INPP4B: variants seen among roughly 807,000 people sequenced by gnomAD.
The protein encoded by INPP4B is inositol polyphosphate-4-phosphatase type II B.
INPP4B carries 55 observed loss-of-function variants against 122.5 expected under a neutral mutation model. The ratio of observed to expected loss-of-function variants is 0.45; its 90% CI spans 0.36 to 0.56. The LOEUF is 0.56. Ranked by LOEUF, INPP4B falls within the 20% of genes least tolerant of loss-of-function variation. The pLI, the probability that INPP4B is intolerant of heterozygous loss-of-function variation, is 0.00. For synonymous variants in INPP4B, 403 were observed against 388.7 expected (o/e 1.04, Z -0.43); for missense variants, 1,000 against 1,097.7 (o/e 0.91, Z 1.26).
At chr4:142,250,981 T>C (rs1731710634) in intron 11 of INPP4B, among the ~76,000 whole-genome samples, 1 of 152,192 alleles carries the variant, frequency 6.6e-6, no homozygotes, top group Non-Finnish European at 1.5e-5. Context: ...ACAATTTATA[T>C]GTAACAAACA....
At chr4:142,170,423 C>T (rs996214614) in intron 16 of INPP4B, among the ~76,000 whole-genome samples, 5 of 151,510 alleles carry the variant, frequency 3.3e-5, no homozygotes, top group African/African-American at 4.8e-5. Context: ...CATTTGTTTC[C>T]GTAGTCCTAT....
chr4:142,259,448 T>G (rs1738488264), intron 11 of INPP4B, among the ~76,000 whole-genome samples: 1 of 151,424 alleles, frequency 6.6e-6, no homozygotes, highest in African/African-American at 2.4e-5. Context: ...CGTGGGTAAG[T>G]GTTGAATTTC....
intron 7 of INPP4B, among the ~76,000 whole-genome samples, chr4:142,325,589 C>A (rs568771115): frequency 2.6e-5 from 4 of 152,194 alleles, no homozygotes; most frequent in Non-Finnish European, 1.5e-5. Context: ...GGCTTCCATG[C>A]CAAAAAGAAA....
At chr4:142,074,288 C>T (rs1179768369) in intron 25 of INPP4B, among the ~76,000 whole-genome samples, 2 of 152,040 alleles carry the variant, frequency 1.3e-5, no homozygotes, top group African/African-American at 4.8e-5. Context: ...GAGTGAGAAT[C>T]TGGATGGCCA....
In INPP4B at chr4:142,466,607, T is replaced by G. The variant is rs76960879; in HGVS notation, c.-190-3881A>C. On this transcript the variant is annotated intron_variant, in intron 2 of 25. Transcript: ENST00000262992. ...GGAAGAAAAAGCATTTTTGAGAAAA[T>G]GTATTGAAGCAGGCTGCAGAGCAAC... is the stretch of plus-strand genomic sequence containing the variant. 6.3e-3 allele frequency among the ~76,000 whole-genome samples: 955 copies of G among 152,262 alleles called. 14 individuals carry two copies. Among genetic ancestry groups the G allele is most frequent in the African/African-American group, 0.022 (901 of 41,562 alleles).
At chr4:142,096,796 T>A (rs1578884805) in intron 23 of INPP4B, among the ~76,000 whole-genome samples, 1 of 152,134 alleles carries the variant, frequency 6.6e-6, no homozygotes, top group African/African-American at 2.4e-5. Context: ...TTCCAATATT[T>A]AAAAATCTAC....
At chr4:142,198,535 TA>T (rs754675344) in intron 14 of INPP4B, among the ~76,000 whole-genome samples, 31 of 149,444 alleles carry the variant, frequency 2.1e-4, no homozygotes, top group Middle Eastern at 3.4e-3. Flanking sequence ...TATTTTTACT[TA>T]AAAAAAAAAT....
At chr4:142,806,679 G>C (rs1034619095) in intron 1 of INPP4B, among the ~76,000 whole-genome samples, 4 of 151,496 alleles carry the variant, frequency 2.6e-5, no homozygotes, top group Admixed American at 2.6e-4. Flanking sequence ...GGGAGTCGGA[G>C]GTTGCAGTGA....
At chr4:142,404,645 T>C (rs1802722993) in intron 6 of INPP4B, among the ~76,000 whole-genome samples, 1 of 152,180 alleles carries the variant, frequency 6.6e-6, no homozygotes, top group Non-Finnish European at 1.5e-5. Flanking sequence ...AAACATAGTT[T>C]GTCAAATTAA....
At chr4:142,714,180 T>G (rs1036238985) in intron 2 of INPP4B, among the ~76,000 whole-genome samples, 10 of 152,200 alleles carry the variant, frequency 6.6e-5, no homozygotes, top group African/African-American at 2.2e-4. Context: ...AGGACTTTCT[T>G]AAAGGTTCAT....
intron 8 of INPP4B, 186 bp from the exon 9 acceptor site, chr4:142,305,723 G>A: frequency 7.7e-6 from 11 of 1,421,414 alleles, no homozygotes; most frequent in Non-Finnish European, 1.0e-5. Flanking sequence ...ATTAAAGGGT[G>A]AAAATGTATC....
chr4:142,060,367 C>T (rs1759966140), intron 25 of INPP4B, among the ~76,000 whole-genome samples: 1 of 152,106 alleles, frequency 6.6e-6, no homozygotes, highest in African/African-American at 2.4e-5. Context: ...TTTCATTGTA[C>T]AGTATCAAGT....
intron 2 of INPP4B, among the ~76,000 whole-genome samples, chr4:142,490,103 G>T (rs1230421736): frequency 6.6e-6 from 1 of 151,724 alleles, no homozygotes; most frequent in South Asian, 2.1e-4. Context: ...GTTCAGACAG[G>T]GTCTTGCTCT....
intron 1 of INPP4B, among the ~76,000 whole-genome samples, chr4:142,796,654 G>T (rs1777277456): frequency 6.6e-6 from 1 of 151,924 alleles, no homozygotes; most frequent in Non-Finnish European, 1.5e-5. Context: ...AAGTCTAAAA[G>T]AGCTCTTTCC....
At chr4:142,041,785 A>G (rs1747729438) in intron 25 of INPP4B, among the ~76,000 whole-genome samples, 1 of 152,210 alleles carries the variant, frequency 6.6e-6, no homozygotes, top group East Asian at 1.9e-4. Flanking sequence ...TGTTTTACAT[A>G]TATTTTATTT....
intron 17 of INPP4B, among the ~76,000 whole-genome samples, chr4:142,150,365 C>G (rs956220549): frequency 2.0e-5 from 3 of 152,170 alleles, no homozygotes; most frequent in Non-Finnish European, 4.4e-5. Context: ...ACAACCACTA[C>G]CACCTATCAG....
At chr4:142,747,691 A>G (rs1338685838) in intron 1 of INPP4B, among the ~76,000 whole-genome samples, 1 of 152,220 alleles carries the variant, frequency 6.6e-6, no homozygotes, top group Non-Finnish European at 1.5e-5. Flanking sequence ...CTATGCAGCC[A>G]TAAAAAAGAA....
At chr4:142,305,578 C>A in intron 8 of INPP4B, 41 bp from the exon 9 acceptor site, 2 of 1,580,632 alleles carry the variant, frequency 1.3e-6, no homozygotes, top group Admixed American at 1.8e-5. Flanking sequence ...ACTTGAGGTT[C>A]TTTAATATTT....
intron 2 of INPP4B, among the ~76,000 whole-genome samples, chr4:142,720,087 A>G (rs903949809): frequency 3.4e-4 from 51 of 152,220 alleles, no homozygotes; most frequent in Admixed American, 1.8e-3. Context: ...ACTCAAGTTC[A>G]CCCATAATTC....
Sources: allele counts gnomAD v4.1 joint callset (sites outside exome capture counted in the v4.1 genomes callset), GRCh38; gene constraint gnomAD v4.1.1; transcripts MANE v1.5; gene names NCBI Gene and HGNC (gene_info 2026-07-23, HGNC 2026-07-21).